Variants in DOCK9 observed in about 807,000 individuals in gnomAD.
The protein encoded by DOCK9 is dedicator of cytokinesis protein 9.
Under a neutral mutation model 263.3 loss-of-function variants are expected in DOCK9, and 89 were observed. That is an observed-to-expected ratio of 0.34 (90% CI 0.28 to 0.40). The LOEUF (loss-of-function observed/expected upper bound fraction) is 0.40, where lower values mean the gene tolerates loss of function less well. Among genes scored for constraint, DOCK9 ranks in the 10% least tolerant of loss-of-function variants. DOCK9 has a pLI of 1.00. For synonymous variants in DOCK9, 976 were observed against 973.1 expected (o/e 1.00, Z -0.06); for missense variants, 2,140 against 2,603.4 (o/e 0.82, Z 3.87).
intron 1 of DOCK9, among the ~76,000 whole-genome samples, chr13:98,999,316 A>ACACACACACACACACT: frequency 1.1e-4 from 15 of 138,290 alleles, no homozygotes; most frequent in South Asian, 1.1e-3. Context: ...ACACACACAC[A>ACACACACACACACACT]CTCTCTCTCT....
At chr13:99,018,342 CT>C (rs1374021169) in intron 1 of DOCK9, among the ~76,000 whole-genome samples, 1 of 152,212 alleles carries the variant, frequency 6.6e-6, no homozygotes, top group African/African-American at 2.4e-5. Flanking sequence ...TTCCTTCCAC[CT>C]TTCACCTTCC....
intron 45 of DOCK9, among the ~76,000 whole-genome samples, chr13:98,815,580 AT>A (rs536925301): frequency 1.7e-3 from 254 of 152,222 alleles, no homozygotes; most frequent in African/African-American, 5.8e-3. Flanking sequence ...TCCCGGGTTC[AT>A]GGCCATTCTC....
At position 99,046,539 on chromosome 13, in the gene DOCK9, A is replaced by G. The variant is rs576166698; in HGVS notation, c.129+39684T>C. Among the ~76,000 whole-genome samples the G allele has an allele frequency of 3.9e-5, 6 of 152,368 alleles. No individual in the cohort carries two copies. The South Asian group carries it at 1.2e-3, about 32-fold the overall frequency. ...CCCAACTTGTGGGACTTGTCTCGAC[A>G]GTAAACACCTCATAGAACATGCCTG... On this transcript the variant is annotated intron_variant, in intron 1 of 32. Transcript: ENST00000427887.
At chr13:98,991,075 TTTC>T (rs1879668923) in intron 1 of DOCK9, among the ~76,000 whole-genome samples, 1 of 110,710 alleles carries the variant, frequency 9.0e-6, no homozygotes, top group African/African-American at 3.6e-5. Context: ...AAACAAGTAA[TTTC>T]TTTTTTTTTT....
At chr13:98,867,396 A>G in intron 30 of DOCK9, 29 bp downstream of exon 30, 1 of 1,198,220 alleles carries the variant, frequency 8.3e-7, no homozygotes, top group Non-Finnish European at 1.2e-6. Flanking sequence ...CTGTTTGTGA[A>G]AAGGTTAATA....
At chr13:99,061,961 T>C (rs750969341) in intron 1 of DOCK9, among the ~76,000 whole-genome samples, 1 of 151,788 alleles carries the variant, frequency 6.6e-6, no homozygotes, top group South Asian at 2.1e-4. Context: ...AGCCTCTAAC[T>C]CCTAAGCTCA....
intron 1 of DOCK9, among the ~76,000 whole-genome samples, chr13:99,073,765 C>A (rs2041793823): frequency 1.3e-5 from 2 of 152,190 alleles, no homozygotes; most frequent in Admixed American, 6.5e-5. Context: ...AGAATAGGGA[C>A]TTTAATCTGT....
chr13:98,903,118 A>C lies in DOCK9; in HGVS notation c.1036-6T>G. 1 of 1,499,046 alleles carries C rather than the reference A, an allele frequency of 6.7e-7. No individual in the cohort carries two copies. The highest frequency in any genetic ancestry group is 8.8e-7 in the Non-Finnish European group (1 of 1,130,654). 92.9% of individuals were successfully genotyped at this position (1,499,046 alleles called of 1,614,324 possible). A position where few individuals can be genotyped will look rare whatever the true frequency, so the allele number is the denominator to read the frequency against. Reference sequence around the variant, plus strand: ...GCTGATGAGAAGTCAAGCTTCTTTAAAAGAAAATGTAAACATATAAATAAG... The same window carrying C: ...GCTGATGAGAAGTCAAGCTTCTTTACAAGAAAATGTAAACATATAAATAAG... On this transcript the variant is annotated splice_polypyrimidine_tract_variant and splice_region_variant and intron_variant, in intron 10 of 52. Coordinates refer to ENST00000682017, the MANE Select transcript of DOCK9 (RefSeq NM_001366683.2).
chr13:99,087,259 G>A (rs1596076844), upstream of DOCK9, among the ~76,000 whole-genome samples: 2 of 152,260 alleles, frequency 1.3e-5, no homozygotes, highest in Admixed American at 6.5e-5. Flanking sequence ...GCGGGACGAT[G>A]ACGGTTGGGC....
chr13:98,895,145 G>T (rs1368737687), intron 15 of DOCK9, among the ~76,000 whole-genome samples: 1 of 44,454 alleles, frequency 2.2e-5, no homozygotes, highest in Non-Finnish European at 5.7e-5. Flanking sequence ...ACTCCATCTC[G>T]GAAAAAAAAA....
chr13:99,057,314 G>A (rs958150987), intron 1 of DOCK9, among the ~76,000 whole-genome samples: 1 of 152,182 alleles, frequency 6.6e-6, no homozygotes, highest in African/African-American at 2.4e-5. Context: ...GTCTCAAAAT[G>A]TTACGAGTTG....
chr13:99,050,540 A>G (rs1188626504), intron 1 of DOCK9, among the ~76,000 whole-genome samples: 1 of 152,010 alleles, frequency 6.6e-6, no homozygotes, highest in Non-Finnish European at 1.5e-5. Flanking sequence ...AAAAATACAA[A>G]AAATTAGCCA....
chr13:98,832,412 A>G (rs1452510562), intron 39 of DOCK9, among the ~76,000 whole-genome samples: 1 of 152,192 alleles, frequency 6.6e-6, no homozygotes, highest in African/African-American at 2.4e-5. Context: ...TGAAGACATG[A>G]GATCAAGTGT....
At position 98,818,747 on chromosome 13, in the gene DOCK9, G is replaced by T. The variant is rs181664791; in HGVS notation, c.5130+5651C>A. Among the ~76,000 whole-genome samples the T allele has an allele frequency of 1.5e-3, 230 of 152,158 alleles. 10 individuals carry two copies. In the South Asian group the frequency reaches 0.043, roughly 28 times the overall value. On this transcript the variant is annotated intron_variant, in intron 45 of 52. Coordinates refer to ENST00000682017, the MANE Select transcript of DOCK9 (RefSeq NM_001366683.2). Reference sequence around the variant, plus strand: ...AGCCATCAAGGAAGCTTTTAAAAATGTAATTATCCAGGCCCATTTTAGTGT... The same window carrying T: ...AGCCATCAAGGAAGCTTTTAAAAATTTAATTATCCAGGCCCATTTTAGTGT...
At chr13:99,045,378 A>G (rs1888872451) in intron 1 of DOCK9, among the ~76,000 whole-genome samples, 1 of 152,258 alleles carries the variant, frequency 6.6e-6, no homozygotes, top group South Asian at 2.1e-4. Flanking sequence ...CATAGAGGAC[A>G]TCATGTTAAA....
At chr13:98,881,668 A>C (rs778255539) in intron 24 of DOCK9, 41 bp from the exon 25 acceptor site, 1 of 1,557,062 alleles carries the variant, frequency 6.4e-7, no homozygotes, top group South Asian at 1.2e-5. Context: ...AATATGTAAA[A>C]ATGGAAACAT....
At chr13:98,802,806 T>C (rs1479938107) in intron 49 of DOCK9, among the ~76,000 whole-genome samples, 31 of 152,078 alleles carry the variant, frequency 2.0e-4, no homozygotes, top group Non-Finnish European at 5.9e-5. Flanking sequence ...TACAAAGCAA[T>C]GCAATGGAAG....
chr13:98,919,668 G>C (rs9513510), intron 7 of DOCK9, among the ~76,000 whole-genome samples: 96,729 of 152,076 alleles, frequency 0.64, 31,404 homozygotes, highest in Middle Eastern at 0.77. Flanking sequence ...AGCCTTCTGT[G>C]TGAGGGGAAC....
intron 1 of DOCK9, among the ~76,000 whole-genome samples, chr13:99,080,030 A>T (rs1288119298): frequency 1.3e-5 from 2 of 151,994 alleles, no homozygotes; most frequent in Non-Finnish European, 2.9e-5. Context: ...ACAGAGTGAG[A>T]CTCCATCTCA....
Sources: allele counts gnomAD v4.1 joint callset (sites outside exome capture counted in the v4.1 genomes callset), GRCh38; gene constraint gnomAD v4.1.1; transcripts MANE v1.5; gene names NCBI Gene and HGNC (gene_info 2026-07-23, HGNC 2026-07-21).